The following EMP3 variants were observed in gnomAD, a reference collection of about 807,000 sequenced individuals.
EMP3 encodes epithelial membrane protein 3 (MAM blood group).
In EMP3, 15 loss-of-function variants were observed where a neutral mutation model predicts 21.6. The ratio of observed to expected loss-of-function variants is 0.69; its 90% CI spans 0.46 to 1.07. EMP3 has a LOEUF of 1.07. EMP3 is among the 50% of genes least tolerant of loss of function. The pLI is 0.00. For synonymous variants in EMP3, 107 were observed against 86.1 expected, an observed-to-expected ratio of 1.24 and a Z score of -1.34; for missense variants, 183 against 206.6, an observed-to-expected ratio of 0.89 and a Z score of 0.70.
chr19:48,327,545 G>A lies in EMP3; in HGVS notation c.103G>A (p.Glu35Lys), dbSNP rs748467464. 6.2e-7 allele frequency: 1 copy of A among 1,613,702 alleles called. No individual in the cohort carries two copies. The change falls in exon 3 of 5, where the codon GAG becomes AAG. Residue 35 changes from glutamate (E) to lysine (K), a missense_variant. By Grantham distance (56) the Glu-to-Lys change is moderately conservative (BLOSUM62 1). Coordinates refer to ENST00000270221, the MANE Select transcript of EMP3 (RefSeq NM_001425.3). The part of the protein sequence containing the change: ...DKSWWTLPGK[E>K]SLNLWYDCTW... ...GTCCTGGTGGACTCTCCCTGGGAAA[G>A]AGTCCCTGAATCTCTGGTACGACTG... is the stretch of plus-strand genomic sequence containing the variant.
At position 48,330,334 on chromosome 19, in the gene EMP3, C is replaced by T. The variant is rs749117341; in HGVS notation, c.356C>T (p.Ala119Val). 2.5e-6 allele frequency: 4 copies of T among 1,605,082 alleles called. No homozygotes were observed. Among genetic ancestry groups the T allele is most frequent in the South Asian group, 1.1e-5 (1 of 90,298 alleles). ...GTGTTTACTGGCGCCTTGATCTATG[C>T]CATTCACGCCGAGGAGATCCTGGAG... ...VAVFTGALIY[A>V]IHAEEILEKH... The change falls in exon 5 of 5, where the codon GCC (alanine) becomes GTC (valine). Residue 119 changes from alanine (A) to valine (V), a missense_variant. Coordinates refer to ENST00000270221, the MANE Select transcript of EMP3 (RefSeq NM_001425.3).
intron 1 of EMP3, 74 bp downstream of exon 1, chr19:48,325,684 C>A (rs939836544): frequency 6.6e-5 from 10 of 152,238 alleles, no homozygotes; most frequent in African/African-American, 2.4e-4. Flanking sequence ...GGGAAGGACA[C>A]CCCCAGGCTG....
intron 3 of EMP3, among the ~76,000 whole-genome samples, chr19:48,328,891 GAGGA>G (rs960982130): frequency 7.2e-5 from 11 of 152,270 alleles, no homozygotes; most frequent in African/African-American, 2.4e-4. Context: ...GGAGGCTGAG[GAGGA>G]AGGATCACTT....
At chr19:48,328,567 C>T (rs1382150308) in intron 3 of EMP3, among the ~76,000 whole-genome samples, 1 of 152,056 alleles carries the variant, frequency 6.6e-6, no homozygotes, top group Admixed American at 6.6e-5. Flanking sequence ...GCTGAAACCA[C>T]TTAAGGTTCT....
Position 48,330,370 on chromosome 19 carries a change from G to C in EMP3, c.392G>C (p.Arg131Pro), listed in dbSNP as rs1969187702. 1 of 1,607,446 alleles carries C rather than the reference G, an allele frequency of 6.2e-7. No homozygotes were observed. The highest frequency in any genetic ancestry group is 1.1e-5 in the South Asian group (1 of 90,536). The change falls in exon 5 of 5, where the codon CGA becomes CCA. Residue 131 changes from arginine (R) to proline (P), a missense_variant. Physicochemically the swap from Arg to Pro is moderately radical, Grantham distance 103. Transcript: ENST00000270221. ...GAGGAGATCCTGGAGAAGCACCCGC[G>C]AGGGGGCAGCTTCGGATACTGCTTC... ...HAEEILEKHP[R>P]GGSFGYCFAL...
intron 2 of EMP3, 91 bp downstream of exon 2, chr19:48,327,013 A>G (rs1401360774): frequency 2.8e-6 from 3 of 1,066,466 alleles, no homozygotes; most frequent in African/African-American, 1.6e-5. Flanking sequence ...CACCCCCTTT[A>G]CCTAGTATTT....
chr19:48,326,470 C>T (rs1969123676), intron 1 of EMP3, among the ~76,000 whole-genome samples: 1 of 151,288 alleles, frequency 6.6e-6, no homozygotes, highest in African/African-American at 2.4e-5. Context: ...CATCAGGAGA[C>T]ATCTCACCTG....
intron 1 of EMP3, 82 bp from the exon 2 acceptor site, chr19:48,326,748 C>T: frequency 8.2e-7 from 1 of 1,220,448 alleles, no homozygotes; most frequent in Non-Finnish European, 1.2e-6. Flanking sequence ...CCTCGGCCTC[C>T]CAAAGTGCTG....
In EMP3 at chr19:48,327,582, A is replaced by G. The variant is rs771714548; in HGVS notation, c.140A>G (p.Asn47Ser). Residue 47 changes from asparagine to serine, a missense_variant, in exon 3 of 5, where the codon AAC (asparagine) becomes AGC (serine). Physicochemically the swap from Asn to Ser is conservative, Grantham distance 46. Transcript: ENST00000270221. The part of the protein sequence containing the change: ...LNLWYDCTWN[N>S]DTKTWACSNV... ...CTCTGGTACGACTGCACGTGGAACA[A>G]CGACACCAAAACATGGGCCTGCAGT... The G allele has an allele frequency of 1.2e-6, 2 of 1,613,968 alleles. No homozygotes were observed. The highest frequency in any genetic ancestry group is 3.3e-5 in the Admixed American group (2 of 59,976).
chr19:48,327,658 G>A (rs1236736410), intron 3 of EMP3, 35 bp downstream of exon 3: 3 of 1,587,490 alleles, frequency 1.9e-6, no homozygotes, highest in Non-Finnish European at 8.6e-7. Flanking sequence ...GGTCTTCAAA[G>A]GGGAAGGTAA....
In EMP3 at chr19:48,329,219, C is replaced by T; in HGVS notation, c.182-133C>T. 3 of 1,064,208 alleles carry T rather than the reference C, an allele frequency of 2.8e-6. No homozygotes were observed. The highest frequency in any genetic ancestry group is 4.0e-6 in the Non-Finnish European group (3 of 741,490). 65.9% of individuals were successfully genotyped at this position (1,064,208 alleles called of 1,614,324 possible). A position where few individuals can be genotyped will look rare whatever the true frequency, so the allele number is the denominator to read the frequency against. On this transcript the variant is annotated intron_variant, in intron 3 of 4. Coordinates refer to ENST00000270221, the MANE Select transcript of EMP3 (RefSeq NM_001425.3). The surrounding 1 kb of genome is among the most constrained non-coding windows in gnomAD (Gnocchi z 4.5). ...CTCAAGGTCAAAATAAGTGATACAT[C>T]TAAGTATCTAGGCTTGTATGGGCCT...
At position 48,330,280 on chromosome 19, in the gene EMP3, TG is replaced by T. The variant is rs1433410740; in HGVS notation, c.323-20del. ...AGTCTTGAGGGGGCACTGCATGACG[TG>T]TGGTTTTCATCTTCCGCAGGCGTGG... On this transcript the variant is annotated intron_variant, in intron 4 of 4. Transcript: ENST00000270221. 1 of 1,564,588 alleles carries T rather than the reference TG, an allele frequency of 6.4e-7. No individual in the cohort carries two copies. Among genetic ancestry groups the T allele is most frequent in the South Asian group, 1.2e-5 (1 of 86,812 alleles).
Position 48,329,325 on chromosome 19 carries a change from TC to T in EMP3, c.182-22del. Reference sequence around the variant, plus strand: ...CTGGAACTCTGGACCCACGGTGATGTCCCCCTCTGTGTCCTCCTTACTGCAG... The same window carrying T: ...CTGGAACTCTGGACCCACGGTGATGTCCCCTCTGTGTCCTCCTTACTGCAG... On this transcript the variant is annotated intron_variant, in intron 3 of 4. Transcript: ENST00000270221. This position sits in a 1 kb window ranked among gnomAD's most constrained non-coding sequence, Gnocchi z 4.5. The T allele has an allele frequency of 6.2e-7, 1 of 1,613,464 alleles. No individual in the cohort carries two copies. Among genetic ancestry groups the T allele is most frequent in the African/African-American group, 1.3e-5 (1 of 74,992 alleles).
intron 1 of EMP3, among the ~76,000 whole-genome samples, chr19:48,326,504 T>G (rs948700667): frequency 6.6e-6 from 1 of 151,616 alleles, no homozygotes; most frequent in Non-Finnish European, 1.5e-5. Context: ...TTTTTTTTTT[T>G]TTTTGAGACG....
At chr19:48,330,186 C>A in intron 4 of EMP3, 115 bp from the exon 5 acceptor site, 1 of 1,422,226 alleles carries the variant, frequency 7.0e-7, no homozygotes, top group Non-Finnish European at 9.2e-7. Context: ...ACCACAACTC[C>A]CAGCAGGCAG....
At chr19:48,328,343 T>G (rs1969158028) in intron 3 of EMP3, among the ~76,000 whole-genome samples, 1 of 132,636 alleles carries the variant, frequency 7.5e-6, no homozygotes, top group Non-Finnish European at 1.5e-5. Flanking sequence ...ACCCAGGAGG[T>G]GGAGGTTGCA....
intron 2 of EMP3, 116 bp downstream of exon 2, chr19:48,327,038 T>C: frequency 1.1e-6 from 1 of 905,860 alleles, no homozygotes; most frequent in South Asian, 1.4e-5. Context: ...TTTATTTTAT[T>C]TCATTTATTT....
intron 3 of EMP3, chr19:48,327,898 C>G: frequency 2.5e-6 from 1 of 392,890 alleles, no homozygotes; most frequent in South Asian, 2.7e-5. Context: ...ACCTCTCCCT[C>G]CGGGGTCCGA....
rs766233062 is a variant in EMP3, at chr19:48,329,470, C to A, written c.300C>A (p.Thr100=). The A allele has an allele frequency of 1.2e-6, 2 of 1,614,114 alleles. No individual in the cohort carries two copies. Among genetic ancestry groups the A allele is most frequent in the South Asian group, 1.1e-5 (1 of 91,084 alleles). The change falls in exon 4 of 5, where the codon ACC becomes ACA. Residue 100 remains threonine (T), a synonymous_variant. Coordinates refer to ENST00000270221, the MANE Select transcript of EMP3 (RefSeq NM_001425.3). The surrounding 1 kb of genome is among the most constrained non-coding windows in gnomAD (Gnocchi z 4.5). ...TMRRGGLFYA[T]GLCQLCTSVA... ...GACGAGGAGGTCTCTTCTATGCCAC[C>A]GGCCTCTGCCAGCTTTGCACCAGTG...
Sources: allele counts gnomAD v4.1 joint callset (sites outside exome capture counted in the v4.1 genomes callset), GRCh38; gene constraint gnomAD v4.1.1; non-coding constraint Gnocchi (gnomAD v3.1); transcripts MANE v1.5; gene names NCBI Gene and HGNC (gene_info 2026-07-23, HGNC 2026-07-21).